The following PLEKHA6 variants were observed in gnomAD, a reference collection of about 807,000 sequenced individuals.
The protein encoded by PLEKHA6 is pleckstrin homology domain-containing family A member 6.
In PLEKHA6, 60 loss-of-function variants were observed where a neutral mutation model predicts 116.7. The ratio of observed to expected loss-of-function variants is 0.51; its 90% CI spans 0.42 to 0.64. The LOEUF (loss-of-function observed/expected upper bound fraction) is 0.64. PLEKHA6 is among the 30% of genes least tolerant of loss of function. The pLI, the probability that PLEKHA6 is intolerant of heterozygous loss-of-function variation, is 0.00. For missense variants in PLEKHA6, 1,338 were observed against 1,422.7 expected, an observed-to-expected ratio of 0.94 and a Z score of 0.96; for synonymous variants, 489 against 556.1, an observed-to-expected ratio of 0.88 and a Z score of 1.70.
At position 204,259,364 on chromosome 1, in the gene PLEKHA6, GT is replaced by G. The variant is rs1047652993; in HGVS notation, c.900del (p.Pro301HisfsTer15). ...GETGGHRRSF[P>X]PRTNPDKIAQ... ...GCAATTTTGTCAGGGTTGGTGCGTG[GT>G]GGGAAACTCCGCCGGTGTCCCCCAG... On this transcript the variant is annotated frameshift_variant, in exon 8 of 23. Coordinates refer to ENST00000272203, the MANE Select transcript of PLEKHA6 (RefSeq NM_014935.5). LOFTEE classifies it high-confidence loss of function. The surrounding 1 kb of genome is among the most constrained non-coding windows in gnomAD (Gnocchi z 4.6). 1 of 1,614,254 alleles carries G rather than the reference GT, an allele frequency of 6.2e-7. No individual in the cohort carries two copies. The highest frequency in any genetic ancestry group is 1.7e-5 in the Admixed American group (1 of 60,036).
chr1:204,296,226 G>T (rs1670263962), intron 1 of PLEKHA6, among the ~76,000 whole-genome samples: 1 of 152,140 alleles, frequency 6.6e-6, no homozygotes, highest in Non-Finnish European at 1.5e-5. Flanking sequence ...TCCCCATGTG[G>T]ATTTCTGAAC....
Position 204,241,692 on chromosome 1 carries a change from G to A in PLEKHA6, c.2295C>T (p.Leu765=). The change falls in exon 16 of 23, where the codon CTC becomes CTT. Residue 765 remains leucine (L), a synonymous_variant. Coordinates refer to ENST00000272203, the MANE Select transcript of PLEKHA6 (RefSeq NM_014935.5). ...QEVEAEKQAA[L]NKVGVVPPRT... ...AGATGGGACAGAAAGTACCTTTGTT[G>A]AGAGCTGCCTGCTTCTCTGCCTCTA... The A allele has an allele frequency of 6.3e-7, 1 of 1,595,382 alleles. No homozygotes were observed. Among genetic ancestry groups the A allele is most frequent in the Non-Finnish European group, 8.5e-7 (1 of 1,172,466 alleles).
intron 1 of PLEKHA6, among the ~76,000 whole-genome samples, chr1:204,372,076 AAAG>A (rs1331272665): frequency 2.6e-5 from 4 of 152,246 alleles, no homozygotes; most frequent in Admixed American, 2.6e-4. Context: ...ATGGATAAGA[AAAG>A]GAGGAGACTG....
chr1:204,273,840 T>TCA, intron 2 of PLEKHA6, 100 bp from the exon 3 acceptor site: 1 of 802,546 alleles, frequency 1.2e-6, no homozygotes, highest in East Asian at 2.7e-5. Context: ...TGTTTCAGCA[T>TCA]CAGCACAAAA....
In PLEKHA6 at chr1:204,222,603, G is replaced by A. The variant is rs1004610127; in HGVS notation, c.*185C>T. On this transcript the variant is annotated 3_prime_UTR_variant, in exon 23 of 23. Transcript: ENST00000272203. ...GGCATGGTGGGTGTGTGGACACTGA[G>A]GTATCCACGGTCCTCTGGCAGCAGC... 1 of 152,738 alleles carries A rather than the reference G, an allele frequency of 6.5e-6. No homozygotes were observed. The highest frequency in any genetic ancestry group is 2.4e-5 in the African/African-American group (1 of 41,468). The allele number at this position is 152,738 out of a possible 1,614,324, so 9.5% of individuals were successfully genotyped here. A position where few individuals can be genotyped will look rare whatever the true frequency, so the allele number is the denominator to read the frequency against.
At chr1:204,297,937 C>A (rs189415922) in intron 1 of PLEKHA6, 1 of 979,800 alleles carries the variant, frequency 1.0e-6, no homozygotes, top group Non-Finnish European at 1.2e-6. Flanking sequence ...CTGTCCTCCC[C>A]CTACTCCTCA....
At chr1:204,376,183 G>A (rs1673866506) in intron 1 of PLEKHA6, among the ~76,000 whole-genome samples, 2 of 152,182 alleles carry the variant, frequency 1.3e-5, no homozygotes, top group Non-Finnish European at 2.9e-5. Context: ...GAATGAAAGA[G>A]GAAAAGAATC....
rs775436300 is a variant in PLEKHA6 at position 204,265,020 on chromosome 1, C to T, written c.303G>A (p.Leu101=). Residue 101 remains leucine, a synonymous_variant, in exon 6 of 23, where the codon CTG becomes CTA. Coordinates refer to ENST00000272203, the MANE Select transcript of PLEKHA6 (RefSeq NM_014935.5). The stretch of plus-strand genomic sequence containing the variant: ...GGAAGCTCAGGAGGGGGATGCTGCC[C>T]AGGATACTCTCTTCCTTCTCATCTG... ...YYKDEKEESI[L]GSIPLLSFRV... 3 of 1,613,834 alleles carry T rather than the reference C, an allele frequency of 1.9e-6. No homozygotes were observed. The highest frequency in any genetic ancestry group is 4.5e-5 in the East Asian group (2 of 44,868).
intron 1 of PLEKHA6, chr1:204,307,406 T>C (rs1671420920): frequency 6.6e-6 from 1 of 152,272 alleles, no homozygotes; most frequent in Non-Finnish European, 1.5e-5. Flanking sequence ...GAAGCAATAC[T>C]TCTGATCGGA....
intron 3 of PLEKHA6, among the ~76,000 whole-genome samples, chr1:204,270,805 T>A (rs895860426): frequency 1.3e-5 from 2 of 152,248 alleles, no homozygotes; most frequent in Non-Finnish European, 2.9e-5. Context: ...TTGTGAGATA[T>A]GGCAGGGCCT....
intron 1 of PLEKHA6, among the ~76,000 whole-genome samples, chr1:204,308,687 C>CTTTTTCTTTTTTTT (rs1553275657): frequency 7.4e-5 from 6 of 81,406 alleles, no homozygotes; most frequent in Non-Finnish European, 1.1e-4. Flanking sequence ...TTTTCTTTTT[C>CTTTTTCTTTTTTTT]TTTTTTTTTT....
chr1:204,264,908 C>G (rs1186044418), intron 6 of PLEKHA6, 34 bp downstream of exon 6: 1 of 1,435,878 alleles, frequency 7.0e-7, no homozygotes, highest in Non-Finnish European at 9.8e-7. Context: ...GGCCTTCCTT[C>G]CCCACCTGCC....
At chr1:204,335,231 A>C (rs1189117752) in intron 1 of PLEKHA6, among the ~76,000 whole-genome samples, 2 of 151,408 alleles carry the variant, frequency 1.3e-5, no homozygotes, top group African/African-American at 2.4e-5. Flanking sequence ...ACTTCCCCCC[A>C]CACACATACA....
intron 1 of PLEKHA6, among the ~76,000 whole-genome samples, chr1:204,308,775 G>A (rs980201224): frequency 2.3e-5 from 3 of 128,246 alleles, no homozygotes; most frequent in Non-Finnish European, 3.1e-5. Context: ...TGCAAGCTCC[G>A]CCTCCCGGGT....
At chr1:204,286,707 C>T (rs951469834) in intron 1 of PLEKHA6, among the ~76,000 whole-genome samples, 7 of 152,218 alleles carry the variant, frequency 4.6e-5, no homozygotes, top group African/African-American at 1.7e-4. Context: ...TGAAGCCCCC[C>T]TGCCCTGCCT....
In PLEKHA6 at chr1:204,259,553, CATT is replaced by C; in HGVS notation, c.709_711del (p.Asn237del). The C allele has an allele frequency of 6.2e-7, 1 of 1,614,106 alleles. No individual in the cohort carries two copies. Among genetic ancestry groups the C allele is most frequent in the Non-Finnish European group, 8.5e-7 (1 of 1,180,040 alleles). On this transcript the variant is annotated inframe_deletion, in exon 8 of 23. Transcript: ENST00000272203. This position sits in a 1 kb window ranked among gnomAD's most constrained non-coding sequence, Gnocchi z 4.6. ...GCTGGCTCCGGTCCAGCTGGGAGGC[CATT>C]GGCTTTCACCGGAGGCTCTTTCTTG... is the stretch of plus-strand genomic sequence containing the variant.
intron 1 of PLEKHA6, among the ~76,000 whole-genome samples, chr1:204,337,368 A>G (rs961532893): frequency 1.6e-4 from 24 of 152,174 alleles, no homozygotes; most frequent in African/African-American, 5.8e-4. Flanking sequence ...CTACCAAGCA[A>G]GCCCCTTCCC....
At chr1:204,337,717 G>T (rs186719337) in intron 1 of PLEKHA6, among the ~76,000 whole-genome samples, 1 of 122,372 alleles carries the variant, frequency 8.2e-6, no homozygotes, top group Non-Finnish European at 1.6e-5. Flanking sequence ...TCTCTCACTT[G>T]GGGGGGGAAT....
intron 1 of PLEKHA6, among the ~76,000 whole-genome samples, chr1:204,290,995 A>AG (rs1173072386): frequency 1.3e-5 from 2 of 150,676 alleles, no homozygotes; most frequent in Non-Finnish European, 1.5e-5. Flanking sequence ...TCTCAAAAAA[A>AG]AAAAAAAAAA....
Sources: allele counts gnomAD v4.1 joint callset (sites outside exome capture counted in the v4.1 genomes callset), GRCh38; gene constraint gnomAD v4.1.1; non-coding constraint Gnocchi (gnomAD v3.1); transcripts MANE v1.5; gene names NCBI Gene and HGNC (gene_info 2026-07-23, HGNC 2026-07-21).